PPP1R12B: variants seen among roughly 807,000 people sequenced by gnomAD.
PPP1R12B encodes the protein myosin phosphatase target subunit 2.
In PPP1R12B, 76 loss-of-function variants were observed where a neutral mutation model predicts 126.1. The observed-to-expected ratio is 0.60, with a 90% CI of 0.50 to 0.73. The LOEUF is 0.73. Among genes scored for constraint, PPP1R12B ranks in the 30% least tolerant of loss-of-function variants. The pLI, the probability that PPP1R12B is intolerant of heterozygous loss-of-function variation, is 0.00. For synonymous variants in PPP1R12B, 356 were observed against 434.7 expected, an observed-to-expected ratio of 0.82 and a Z score of 2.25; for missense variants, 1,052 against 1,205.1, an observed-to-expected ratio of 0.87 and a Z score of 1.88.
intron 13 of PPP1R12B, among the ~76,000 whole-genome samples, chr1:202,455,979 AT>A (rs927903693): frequency 2.6e-5 from 4 of 152,076 alleles, no homozygotes; most frequent in African/African-American, 9.7e-5. Flanking sequence ...AGAAAAGTGA[AT>A]GATCTTGGCC....
intron 1 of PPP1R12B, among the ~76,000 whole-genome samples, chr1:202,358,957 A>G (rs1657635033): frequency 6.6e-6 from 1 of 152,138 alleles, no homozygotes; most frequent in African/African-American, 2.4e-5. Context: ...TTCTGTATTA[A>G]TTATTGGTCT....
chr1:202,412,891 CATA>C (rs1255032611), intron 1 of PPP1R12B, among the ~76,000 whole-genome samples: 1 of 152,030 alleles, frequency 6.6e-6, no homozygotes, highest in Non-Finnish European at 1.5e-5. Context: ...TAGACCTTGC[CATA>C]TGGGATTGCA....
intron 1 of PPP1R12B, among the ~76,000 whole-genome samples, chr1:202,370,311 G>A (rs1485879373): frequency 6.6e-6 from 1 of 152,010 alleles, no homozygotes; most frequent in Non-Finnish European, 1.5e-5. Context: ...CATTTTTCAC[G>A]TATCCATAGT....
chr1:202,517,735 C>T (rs1379760551), intron 18 of PPP1R12B, among the ~76,000 whole-genome samples: 2 of 151,962 alleles, frequency 1.3e-5, no homozygotes, highest in Admixed American at 6.6e-5. Flanking sequence ...GAGCAGTTCT[C>T]CTGCCTCAGC....
intron 14 of PPP1R12B, among the ~76,000 whole-genome samples, chr1:202,491,233 C>T (rs1252442381): frequency 6.6e-6 from 1 of 151,908 alleles, no homozygotes; most frequent in Non-Finnish European, 1.5e-5. Flanking sequence ...AAGCAATTCT[C>T]CTGCCTCAGG....
rs1310805640 is a variant in PPP1R12B at position 202,591,360 on chromosome 1, T to C, written c.*10800T>C. 3 of 152,462 alleles carry C rather than the reference T, an allele frequency of 2.0e-5. No homozygotes were observed. Among genetic ancestry groups the C allele is most frequent in the African/African-American group, 7.2e-5 (3 of 41,478 alleles). The allele number at this position is 152,462 out of a possible 1,614,324, so 9.4% of individuals were successfully genotyped here. ...ATCCTGGGCTCTTCCCATGCAGTAC[T>C]GCCCTCAGGTGCCCATGGGGCCAGG... On this transcript the variant is annotated 3_prime_UTR_variant, in exon 24 of 24. Transcript: ENST00000608999.
intron 1 of PPP1R12B, among the ~76,000 whole-genome samples, chr1:202,401,150 TG>T (rs1403340271): frequency 6.6e-6 from 1 of 152,114 alleles, no homozygotes; most frequent in Non-Finnish European, 1.5e-5. Context: ...CAAGAGACTA[TG>T]ATCTGCAAAG....
intron 23 of PPP1R12B, chr1:202,576,422 T>C (rs1051213703): frequency 2.6e-5 from 4 of 152,266 alleles, no homozygotes; most frequent in Non-Finnish European, 1.5e-5. Flanking sequence ...CCTTCAGGGT[T>C]AGTAGCTGGC....
At chr1:202,479,314 A>G (rs2148814970) in intron 13 of PPP1R12B, among the ~76,000 whole-genome samples, 1 of 152,346 alleles carries the variant, frequency 6.6e-6, no homozygotes, top group East Asian at 1.9e-4. Flanking sequence ...TCCACTGAGA[A>G]TAACTAGAAA....
intron 18 of PPP1R12B, among the ~76,000 whole-genome samples, chr1:202,548,013 A>G (rs2148977187): frequency 6.6e-6 from 1 of 152,370 alleles, no homozygotes; most frequent in South Asian, 2.1e-4. Context: ...TTATTGTCTC[A>G]TTTAATACAT....
intron 13 of PPP1R12B, among the ~76,000 whole-genome samples, chr1:202,476,641 C>G (rs1676708200): frequency 6.6e-6 from 1 of 151,806 alleles, no homozygotes; most frequent in Non-Finnish European, 1.5e-5. Flanking sequence ...CGAGATCACG[C>G]CACTGCACTC....
At chr1:202,569,718 C>G (rs1018752175) in intron 23 of PPP1R12B, among the ~76,000 whole-genome samples, 1 of 152,182 alleles carries the variant, frequency 6.6e-6, no homozygotes, top group Non-Finnish European at 1.5e-5. Flanking sequence ...TACATTAACT[C>G]TGAAATATTC....
rs538208605 is a variant in PPP1R12B, at chr1:202,589,476, G to A, written c.*8916G>A. 1 of 152,386 alleles carries A rather than the reference G, an allele frequency of 6.6e-6. No individual in the cohort carries two copies. Among genetic ancestry groups the A allele is most frequent in the South Asian group, 2.1e-4 (1 of 4,832 alleles). 9.4% of individuals were successfully genotyped at this position (152,386 alleles called of 1,614,324 possible). ...CTTGATGTCATGGTTGAAGAATTCA[G>A]TCCTGTCCTGGGGCACAAAACAGAG... On this transcript the variant is annotated 3_prime_UTR_variant, in exon 24 of 24. Transcript: ENST00000608999.
chr1:202,456,972 A>C (rs1673723253), intron 13 of PPP1R12B, among the ~76,000 whole-genome samples: 1 of 152,250 alleles, frequency 6.6e-6, no homozygotes, highest in Non-Finnish European at 1.5e-5. Context: ...GATGCAGACT[A>C]ACATGTAATA....
intron 18 of PPP1R12B, chr1:202,501,756 T>C: frequency 2.8e-6 from 2 of 721,988 alleles, no homozygotes; most frequent in Non-Finnish European, 3.4e-6. Flanking sequence ...AACCTGTACC[T>C]TTTTTCAGGG....
chr1:202,440,644 A>G (rs1352022068), intron 10 of PPP1R12B, 62 bp from the exon 11 acceptor site: 2 of 1,272,498 alleles, frequency 1.6e-6, no homozygotes, highest in Non-Finnish European at 1.1e-6. Context: ...TTTTTACTCA[A>G]AATGTTTTAT....
intron 18 of PPP1R12B, among the ~76,000 whole-genome samples, chr1:202,542,368 A>G (rs900840783): frequency 6.6e-6 from 1 of 152,206 alleles, no homozygotes; most frequent in African/African-American, 2.4e-5. Context: ...ACTGAGATAC[A>G]TAGAAGAGAA....
intron 21 of PPP1R12B, 104 bp downstream of exon 21, chr1:202,564,651 A>G (rs747568310): frequency 3.4e-6 from 3 of 878,770 alleles, no homozygotes; most frequent in Non-Finnish European, 5.2e-6. Flanking sequence ...AGTCAAGATC[A>G]GGCCTTCTCG....
chr1:202,538,418 G>T (rs1684774362), intron 18 of PPP1R12B, among the ~76,000 whole-genome samples: 2 of 152,182 alleles, frequency 1.3e-5, no homozygotes, highest in South Asian at 4.1e-4. Flanking sequence ...CAATCTAAAA[G>T]AATGAGTTTG....
Sources: allele counts gnomAD v4.1 joint callset (sites outside exome capture counted in the v4.1 genomes callset), GRCh38; gene constraint gnomAD v4.1.1; transcripts MANE v1.5; gene names NCBI Gene and HGNC (gene_info 2026-07-23, HGNC 2026-07-21).